Variants in WDR70 observed in about 807,000 individuals in gnomAD.
The protein encoded by WDR70 is WD repeat-containing protein 70.
A neutral mutation model predicts 88.6 loss-of-function variants in WDR70; 53 were observed. The ratio of observed to expected loss-of-function variants is 0.60; its 90% CI spans 0.48 to 0.75. The LOEUF (loss-of-function observed/expected upper bound fraction) is 0.75. Ranked by LOEUF, WDR70 falls within the 30% of genes least tolerant of loss-of-function variation. The pLI, the probability that WDR70 is intolerant of heterozygous loss-of-function variation, is 0.00. For synonymous variants in WDR70, 280 were observed against 270.0 expected, an observed-to-expected ratio of 1.04 and a Z score of -0.36; for missense variants, 610 against 823.2, an observed-to-expected ratio of 0.74 and a Z score of 3.17.
chr5:37,737,484 T>C (rs1265034639), intron 17 of WDR70, among the ~76,000 whole-genome samples: 2 of 152,174 alleles, frequency 1.3e-5, no homozygotes, highest in Admixed American at 1.3e-4. Flanking sequence ...GAGGGAACAC[T>C]GGACTAAGAA....
intron 8 of WDR70, among the ~76,000 whole-genome samples, chr5:37,491,602 T>A (rs1740070696): frequency 6.6e-6 from 1 of 152,042 alleles, no homozygotes; most frequent in Non-Finnish European, 1.5e-5. Context: ...GTTAGAAGAG[T>A]TTTCAGATGT....
chr5:37,692,617 C>CGT (rs1322284944), intron 10 of WDR70, among the ~76,000 whole-genome samples: 2 of 152,094 alleles, frequency 1.3e-5, no homozygotes. Flanking sequence ...AAAAACACCA[C>CGT]GTGATTATCT....
rs372599240 is a variant in WDR70, at chr5:37,644,703, G to A, written c.1092+39465G>A. On this transcript the variant is annotated intron_variant, in intron 10 of 17. Coordinates refer to ENST00000265107, the MANE Select transcript of WDR70 (RefSeq NM_018034.4). ...GGGATTTCTTCTTGGTACAGTCTTG[G>A]TAAGGGTTATGTATTTAGGAATTTA... Among the ~76,000 whole-genome samples, 14 of 151,978 alleles carry A rather than the reference G, an allele frequency of 9.2e-5. No homozygotes were observed. The South Asian group carries it at 1.0e-3, about 11-fold the overall frequency.
intron 10 of WDR70, among the ~76,000 whole-genome samples, chr5:37,611,682 G>A (rs1043326619): frequency 3.3e-5 from 5 of 150,542 alleles, no homozygotes; most frequent in African/African-American, 7.3e-5. Flanking sequence ...ATTTTATTAC[G>A]TAGTTATTCA....
intron 9 of WDR70, among the ~76,000 whole-genome samples, chr5:37,557,938 G>GAAAACTCTTCAAAAGAGTACTCTTTTT (rs1742346482): frequency 6.6e-6 from 1 of 151,232 alleles, no homozygotes. Flanking sequence ...GTACTCTTTT[G>GAAAACTCTTCAAAAGAGTACTCTTTTT]AATACTCTTC....
chr5:37,564,171 A>G (rs897287985), intron 9 of WDR70, among the ~76,000 whole-genome samples: 3 of 151,256 alleles, frequency 2.0e-5, no homozygotes, highest in African/African-American at 4.8e-5. Flanking sequence ...GGGCCAAGGC[A>G]GGCAGCTGGG....
chr5:37,693,061 A>C (rs1356288957), intron 10 of WDR70, among the ~76,000 whole-genome samples: 1 of 149,552 alleles, frequency 6.7e-6, no homozygotes, highest in Non-Finnish European at 1.5e-5. Flanking sequence ...AAGCATTCCT[A>C]TACACCAATA....
intron 10 of WDR70, among the ~76,000 whole-genome samples, chr5:37,684,958 A>G (rs979155474): frequency 1.4e-4 from 22 of 152,228 alleles, no homozygotes; most frequent in Non-Finnish European, 2.6e-4. Flanking sequence ...GTATGTGGTC[A>G]TGCTGGTGGT....
intron 8 of WDR70, among the ~76,000 whole-genome samples, chr5:37,484,000 G>A (rs1278501315): frequency 5.9e-5 from 9 of 151,546 alleles, no homozygotes; most frequent in South Asian, 4.2e-4. Flanking sequence ...GACGATGGGC[G>A]GCCGGGCAGA....
chr5:37,413,589 C>T (rs1239315196), intron 5 of WDR70, among the ~76,000 whole-genome samples: 1 of 151,824 alleles, frequency 6.6e-6, no homozygotes, highest in Non-Finnish European at 1.5e-5. Context: ...GGCATGGTGG[C>T]GTGTGCCTGT....
chr5:37,505,415 G>A (rs764569830), intron 8 of WDR70, among the ~76,000 whole-genome samples: 7 of 151,996 alleles, frequency 4.6e-5, no homozygotes, highest in African/African-American at 7.2e-5. Flanking sequence ...ACTTGCCTCT[G>A]GTATTGAGTG....
Position 37,590,268 on chromosome 5 carries a change from A to C in WDR70, c.918-14796A>C, listed in dbSNP as rs531155606. ...CATTTCTGTCACCCCAAAAAGAGAC[A>C]ATGTTTAATTATTCCCTATTTTTAC... On this transcript the variant is annotated intron_variant, in intron 9 of 17. Transcript: ENST00000265107. Among the ~76,000 whole-genome samples the C allele has an allele frequency of 3.5e-4, 53 of 152,344 alleles. No homozygotes were observed. The South Asian group carries it at 0.011, about 30-fold the overall frequency.
chr5:37,510,621 A>G (rs1220332806), intron 8 of WDR70, among the ~76,000 whole-genome samples: 1 of 152,158 alleles, frequency 6.6e-6, no homozygotes, highest in Non-Finnish European at 1.5e-5. Context: ...TTTAACATTG[A>G]TAACGTATTA....
Position 37,437,937 on chromosome 5 carries a change from A to G in WDR70, c.508A>G (p.Ile170Val), listed in dbSNP as rs754175235. Residue 170 changes from isoleucine to valine, a missense_variant, in exon 6 of 18, where the codon ATT (isoleucine) becomes GTT (valine). By Grantham distance (29) the Ile-to-Val change is conservative. This residue lies in a region of WDR70 where 203 missense variants were observed against 228.1 expected (regional missense o/e 0.89). Transcript: ENST00000265107. ...EEEEENPVHK[I>V]PDSHEITLKH... is the part of the protein sequence containing the mutation. ...CTTGTTTCAGAATCCTGTTCACAAGATTCCTGACTCGCATGAGATAACGCT... is the reference window on the plus strand; with the variant it reads ...CTTGTTTCAGAATCCTGTTCACAAGGTTCCTGACTCGCATGAGATAACGCT... 7 of 1,609,406 alleles carry G rather than the reference A, an allele frequency of 4.3e-6. No homozygotes were observed. The African/African-American group carries it at 9.4e-5, about 22-fold the overall frequency.
intron 10 of WDR70, among the ~76,000 whole-genome samples, chr5:37,674,286 G>A (rs1746129151): frequency 6.6e-6 from 1 of 151,768 alleles, no homozygotes; most frequent in Admixed American, 6.6e-5. Flanking sequence ...ACAATGTGCA[G>A]GTTAGTTACA....
intron 10 of WDR70, among the ~76,000 whole-genome samples, chr5:37,651,555 G>A (rs1477959558): frequency 6.6e-6 from 1 of 152,148 alleles, no homozygotes; most frequent in Non-Finnish European, 1.5e-5. Flanking sequence ...CTTCCACAGT[G>A]GTTGAACTAA....
chr5:37,608,314 A>C (rs1274557137), intron 10 of WDR70, among the ~76,000 whole-genome samples: 1 of 152,140 alleles, frequency 6.6e-6, no homozygotes, highest in East Asian at 1.9e-4. Flanking sequence ...TGCTAGGATT[A>C]CAGGCGTGAG....
chr5:37,602,478 G>A (rs547145393), intron 9 of WDR70, among the ~76,000 whole-genome samples: 5 of 151,706 alleles, frequency 3.3e-5, no homozygotes, highest in African/African-American at 1.2e-4. Context: ...AAGGTGGCGG[G>A]CGCCTGTAAT....
At chr5:37,496,744 C>T (rs1236785206) in intron 8 of WDR70, among the ~76,000 whole-genome samples, 1 of 152,136 alleles carries the variant, frequency 6.6e-6, no homozygotes, top group Non-Finnish European at 1.5e-5. Flanking sequence ...AGACAAAGTA[C>T]AAGAAGTATG....
Sources: gnomAD v4.1 joint callset for allele counts (sites outside exome capture counted in the v4.1 genomes callset) on GRCh38, gnomAD v4.1.1 for gene constraint, gnomAD v4.1.1 regional missense constraint, MANE v1.5 for transcripts, NCBI Gene and HGNC (gene_info 2026-07-23, HGNC 2026-07-21) for gene names.